CCDC178: variants seen among roughly 807,000 people sequenced by gnomAD.
CCDC178 encodes coiled-coil domain containing 178.
In CCDC178, 126 loss-of-function variants were observed where a neutral mutation model predicts 117.4. The observed-to-expected ratio is 1.07, with a 90% CI of 0.93 to 1.24. CCDC178 has a LOEUF of 1.24. CCDC178 is among the 50% of genes most tolerant of loss of function. The probability of loss-of-function intolerance (pLI) is 0.00; values close to 1 mark genes in which losing one functional copy is unlikely to be tolerated. For missense variants in CCDC178, 1,030 were observed against 986.9 expected (o/e 1.04, Z -0.59); for synonymous variants, 283 against 313.4 (o/e 0.90, Z 1.02).
At chr18:33,365,863 A>G (rs749316667) in intron 6 of CCDC178, among the ~76,000 whole-genome samples, 1 of 152,088 alleles carries the variant, frequency 6.6e-6, no homozygotes, top group Non-Finnish European at 1.5e-5. Context: ...TATTTGTATG[A>G]GAAGATATTC....
At chr18:32,997,523 C>T (rs2055538491) in intron 21 of CCDC178, among the ~76,000 whole-genome samples, 1 of 152,048 alleles carries the variant, frequency 6.6e-6, no homozygotes, top group African/African-American at 2.4e-5. Context: ...TTTGGATTTG[C>T]CAGCCTCAGA....
Position 33,245,268 on chromosome 18 carries a change from C to T in CCDC178, c.1570G>A (p.Ala524Thr). The T allele has an allele frequency of 6.3e-7, 1 of 1,589,668 alleles. No homozygotes were observed. The highest frequency in any genetic ancestry group is 1.2e-5 in the South Asian group (1 of 84,592). ...HKTDEMEDKIAEVRRKFKGRE... is the reference protein window; with the variant it reads ...HKTDEMEDKITEVRRKFKGRE... The stretch of plus-strand genomic sequence containing the variant: ...ACCTTGAACTTTCTTCTCACTTCTG[C>T]TATTTTATCTTCCATTTCATCTGTC... Residue 524 changes from alanine (A) to threonine (T), a missense_variant, in exon 15 of 23, where the codon GCA becomes ACA. Coordinates refer to ENST00000383096, the MANE Select transcript of CCDC178 (RefSeq NM_001105528.4).
Position 33,092,899 on chromosome 18 carries a change from A to T in CCDC178, c.2250T>A (p.Ala750=), listed in dbSNP as rs941586015. 1 of 1,555,686 alleles carries T rather than the reference A, an allele frequency of 6.4e-7. No individual in the cohort carries two copies. The highest frequency in any genetic ancestry group is 1.4e-5 in the African/African-American group (1 of 72,106). ...AACGCAGATTTTCTTCAAGTGAATCAGCTATTATTTTCTAGAAGGTAAAAA... is the reference window on the plus strand; with the variant it reads ...AACGCAGATTTTCTTCAAGTGAATCTGCTATTATTTTCTAGAAGGTAAAAA... The part of the protein sequence containing the change: ...KTLQDTQKII[A]DSLEENLRLA... Residue 750 remains alanine (A), a synonymous_variant, in exon 21 of 23, where the codon GCT becomes GCA. Transcript: ENST00000383096.
At chr18:33,110,411 A>G (rs1020973037) in intron 20 of CCDC178, among the ~76,000 whole-genome samples, 4 of 151,632 alleles carry the variant, frequency 2.6e-5, no homozygotes, top group African/African-American at 4.8e-5. Context: ...AGTACAGTTT[A>G]TAAACTATGT....
chr18:33,274,142 C>T (rs1397072427), intron 12 of CCDC178, among the ~76,000 whole-genome samples: 1 of 151,684 alleles, frequency 6.6e-6, no homozygotes, highest in Admixed American at 6.6e-5. Context: ...AAGCCATTTT[C>T]CATTATTAGA....
rs7238046 is a variant in CCDC178 at position 33,426,130 on chromosome 18, C to T, written c.-23+13832G>A. On this transcript the variant is annotated intron_variant, in intron 2 of 22. Transcript: ENST00000383096. ...CTAAGAGACTTAACTGAATTATTCTCGATCTCCTGACTTCGTGATCCGCCC... is the reference window on the plus strand; with the variant it reads ...CTAAGAGACTTAACTGAATTATTCTTGATCTCCTGACTTCGTGATCCGCCC... Among the ~76,000 whole-genome samples the T allele has an allele frequency of 4.5e-3, 681 of 152,252 alleles. 4 individuals carry two copies. The highest frequency in any genetic ancestry group is 0.016 in the African/African-American group (656 of 41,558).
At chr18:33,082,810 T>C (rs1598863129) in intron 21 of CCDC178, among the ~76,000 whole-genome samples, 1 of 151,966 alleles carries the variant, frequency 6.6e-6, no homozygotes, top group East Asian at 1.9e-4. Flanking sequence ...ATCTGTTGTT[T>C]TAATTCACTC....
At chr18:33,415,496 A>C (rs2063925772) in intron 2 of CCDC178, among the ~76,000 whole-genome samples, 1 of 151,746 alleles carries the variant, frequency 6.6e-6, no homozygotes, top group Non-Finnish European at 1.5e-5. Context: ...GTGAGAATTG[A>C]ACAATGAGAA....
At chr18:33,036,257 C>T (rs865818424) in intron 21 of CCDC178, among the ~76,000 whole-genome samples, 5 of 151,584 alleles carry the variant, frequency 3.3e-5, no homozygotes, top group African/African-American at 4.8e-5. Context: ...ATGATATTTT[C>T]GTTTAAAAGT....
chr18:33,170,532 G>T (rs975872595), intron 20 of CCDC178, among the ~76,000 whole-genome samples: 1 of 151,936 alleles, frequency 6.6e-6, no homozygotes, highest in African/African-American at 2.4e-5. Context: ...TATATATACA[G>T]CATAAATATA....
intron 11 of CCDC178, among the ~76,000 whole-genome samples, chr18:33,307,851 G>A (rs991322156): frequency 1.3e-5 from 2 of 152,248 alleles, no homozygotes; most frequent in Admixed American, 6.5e-5. Flanking sequence ...TACACATGGT[G>A]TTGGGCCTGT....
At chr18:33,416,942 G>C (rs1352085787) in intron 2 of CCDC178, among the ~76,000 whole-genome samples, 4 of 149,674 alleles carry the variant, frequency 2.7e-5, no homozygotes, top group African/African-American at 9.8e-5. Context: ...AAAAAAAATA[G>C]TTGCAACATG....
intron 21 of CCDC178, among the ~76,000 whole-genome samples, chr18:33,044,418 C>A (rs567602562): frequency 6.6e-6 from 1 of 151,762 alleles, no homozygotes; most frequent in Non-Finnish European, 1.5e-5. Flanking sequence ...ATCCTAAAAA[C>A]GCTCAATCTC....
chr18:32,987,133 A>G (rs899864474), intron 21 of CCDC178, among the ~76,000 whole-genome samples: 1 of 151,928 alleles, frequency 6.6e-6, no homozygotes. Flanking sequence ...ACAAAGAGAT[A>G]CTAGAAAGAG....
intron 7 of CCDC178, among the ~76,000 whole-genome samples, chr18:33,355,729 TGCCTTTAAATGC>T (rs1052359225): frequency 6.6e-6 from 1 of 152,238 alleles, no homozygotes; most frequent in Non-Finnish European, 1.5e-5. Flanking sequence ...GGCAAGTATA[TGCCTTTAAATGC>T]TTTTTGCAAA....
chr18:33,297,514 T>A (rs1177758121), intron 11 of CCDC178, among the ~76,000 whole-genome samples: 1 of 151,770 alleles, frequency 6.6e-6, no homozygotes, highest in South Asian at 2.1e-4. Flanking sequence ...CCACAAAAAA[T>A]AAAAGTATAA....
chr18:33,161,060 A>T (rs899453864), intron 20 of CCDC178, among the ~76,000 whole-genome samples: 1 of 152,188 alleles, frequency 6.6e-6, no homozygotes, highest in Non-Finnish European at 1.5e-5. Context: ...ATTAAAAAAT[A>T]GATCAACTGT....
chr18:33,142,657 A>T (rs2058220995), intron 20 of CCDC178, among the ~76,000 whole-genome samples: 1 of 152,206 alleles, frequency 6.6e-6, no homozygotes, highest in Non-Finnish European at 1.5e-5. Context: ...AGTAATATTA[A>T]CAGAATTCAA....
At chr18:33,093,284 T>C (rs1322662074) in intron 20 of CCDC178, among the ~76,000 whole-genome samples, 1 of 152,082 alleles carries the variant, frequency 6.6e-6, no homozygotes, top group African/African-American at 2.4e-5. Context: ...TCCTGTCCTC[T>C]TATACTTTTC....
Sources: allele counts gnomAD v4.1 joint callset (sites outside exome capture counted in the v4.1 genomes callset), GRCh38; gene constraint gnomAD v4.1.1; transcripts MANE v1.5; gene names NCBI Gene and HGNC (gene_info 2026-07-23, HGNC 2026-07-21).